NOX5: variants seen among roughly 807,000 people sequenced by gnomAD.
NOX5 encodes the protein NADPH oxidase 5, also known as NADPH oxidase, EF-hand calcium binding domain 5.
A neutral mutation model predicts 85.7 loss-of-function variants in NOX5; 76 were observed. That is an observed-to-expected ratio of 0.89 (90% CI 0.74 to 1.07). The LOEUF (loss-of-function observed/expected upper bound fraction) is 1.07, where lower values mean the gene tolerates loss of function less well. Among genes scored for constraint, NOX5 ranks in the 50% least tolerant of loss-of-function variants. The probability of loss-of-function intolerance (pLI) is 0.00; values close to 1 mark genes in which losing one functional copy is unlikely to be tolerated. For missense variants in NOX5, 973 were observed against 999.5 expected, an observed-to-expected ratio of 0.97 and a Z score of 0.36; for synonymous variants, 405 against 401.4, an observed-to-expected ratio of 1.01 and a Z score of -0.11.
intron 6 of NOX5, 37 bp downstream of exon 6, chr15:69,035,544 C>T: frequency 6.2e-7 from 1 of 1,608,714 alleles, no homozygotes; most frequent in Non-Finnish European, 8.5e-7. Context: ...CGGGGAGAAG[C>T]TTGAGCAGCC....
intron 8 of NOX5, chr15:69,038,283 C>T (rs968447951): frequency 2.4e-5 from 4 of 163,274 alleles, no homozygotes; most frequent in Non-Finnish European, 5.2e-5. Context: ...TGGCATCCAA[C>T]AGCCTCAGCT....
chr15:69,050,000 G>T (rs2050727076), intron 14 of NOX5, among the ~76,000 whole-genome samples: 1 of 152,136 alleles, frequency 6.6e-6, no homozygotes, highest in African/African-American at 2.4e-5. Context: ...CCCCTGACTT[G>T]TAACCCCTGG....
At chr15:69,045,536 T>TTTTCTTTCTTTGTTTCTTTCTTTC (rs2050653650) in intron 10 of NOX5, among the ~76,000 whole-genome samples, 3 of 94,470 alleles carry the variant, frequency 3.2e-5, no homozygotes, top group Admixed American at 2.4e-4. Flanking sequence ...TTCCTTTCTT[T>TTTTCTTTCTTTGTTTCTTTCTTTC]TTTCTTTCTT....
chr15:69,047,300 G>A, intron 11 of NOX5, 113 bp from the exon 12 acceptor site: 1 of 1,384,492 alleles, frequency 7.2e-7, no homozygotes. Flanking sequence ...TCCAGCCCAG[G>A]AGATGTCTTT....
chr15:69,048,832 C>A (rs748420255), intron 13 of NOX5, 127 bp from the exon 14 acceptor site: 11 of 609,266 alleles, frequency 1.8e-5, no homozygotes, highest in Non-Finnish European at 3.2e-5. Context: ...TTTTCCCTCC[C>A]TTAAATGGGT....
In NOX5 at chr15:69,061,459, T is replaced by C. The variant is rs2050870221; in HGVS notation, c.*4763T>C. On this transcript the variant is annotated 3_prime_UTR_variant, in exon 16 of 16. Coordinates refer to ENST00000388866, the MANE Select transcript of NOX5 (RefSeq NM_024505.4). The stretch of plus-strand genomic sequence containing the variant: ...GCCCAGCACCAGCCCAGCCTGGGAG[T>C]TGAGATGCCTCAGGGCACACTGTCT... The C allele has an allele frequency of 6.6e-6, 1 of 152,228 alleles. No homozygotes were observed. The highest frequency in any genetic ancestry group is 1.5e-5 in the Non-Finnish European group (1 of 68,044). The allele number at this position is 152,228 out of a possible 1,614,324, so 9.4% of individuals were successfully genotyped here.
intron 3 of NOX5, chr15:69,030,732 G>A (rs939598535): frequency 2.0e-5 from 3 of 152,196 alleles, no homozygotes; most frequent in African/African-American, 7.2e-5. Flanking sequence ...ACACCAATGA[G>A]AATTTCCATG....
chr15:69,037,012 C>T lies in NOX5; in HGVS notation c.1189-16C>T, dbSNP rs770820094. On this transcript the variant is annotated splice_polypyrimidine_tract_variant and intron_variant, in intron 7 of 15. Transcript: ENST00000388866. ...CCTTGAGCTCTGGAAGTTGACTGCC[C>T]CCCCTACCCCCATAGGTGTTCTATT... 5 of 1,610,922 alleles carry T rather than the reference C, an allele frequency of 3.1e-6. No homozygotes were observed. Among genetic ancestry groups the T allele is most frequent in the South Asian group, 1.1e-5 (1 of 90,858 alleles).
At chr15:69,019,210 C>T (rs531391439) in intron 1 of NOX5, among the ~76,000 whole-genome samples, 1 of 152,276 alleles carries the variant, frequency 6.6e-6, no homozygotes, top group South Asian at 2.1e-4. Flanking sequence ...GGTACTCCCT[C>T]CTCCTCCCGA....
Position 69,056,552 on chromosome 15 carries a change from C to A in NOX5, c.2167-13C>A, listed in dbSNP as rs1199873632. On this transcript the variant is annotated splice_polypyrimidine_tract_variant and intron_variant, in intron 15 of 15. Coordinates refer to ENST00000388866, the MANE Select transcript of NOX5 (RefSeq NM_024505.4). ...ATCTTCCCTCTTCTCTTCCTCAACC[C>A]CACTGACTCCAGGTGTTCCAGAAAG... 1.2e-6 allele frequency: 2 copies of A among 1,611,698 alleles called. No homozygotes were observed. The highest frequency in any genetic ancestry group is 1.7e-6 in the Non-Finnish European group (2 of 1,179,730).
Position 69,055,464 on chromosome 15 carries a change from G to A in NOX5, c.2130G>A (p.Gln710=). 1 of 1,614,166 alleles carries A rather than the reference G, an allele frequency of 6.2e-7. No homozygotes were observed. Among genetic ancestry groups the A allele is most frequent in the Non-Finnish European group, 8.5e-7 (1 of 1,180,040 alleles). Residue 710 remains glutamine, a synonymous_variant, in exon 15 of 16, where the codon CAG becomes CAA. Transcript: ENST00000388866. ...KEKKDSITGL[Q]TRTQPGRPDW... ...AGAAAGACTCCATCACGGGGCTGCA[G>A]ACGCGCACCCAGCCTGGGCGGCCTG... is the stretch of plus-strand genomic sequence containing the variant.
At chr15:69,045,508 C>CTTCT (rs530931328) in intron 10 of NOX5, among the ~76,000 whole-genome samples, 3 of 111,794 alleles carry the variant, frequency 2.7e-5, no homozygotes, top group East Asian at 3.7e-4. Context: ...CTCCCTCTCC[C>CTTCT]TTCTTTCTTT....
At chr15:69,016,573 A>C (rs2050234561) in intron 1 of NOX5, among the ~76,000 whole-genome samples, 1 of 152,176 alleles carries the variant, frequency 6.6e-6, no homozygotes, top group African/African-American at 2.4e-5. Context: ...GGAAATGGGA[A>C]TCCATCTAGG....
In NOX5 at chr15:69,056,563, A is replaced by G; in HGVS notation, c.2167-2A>G. The G allele has an allele frequency of 1.2e-6, 2 of 1,612,664 alleles. No individual in the cohort carries two copies. The highest frequency in any genetic ancestry group is 2.2e-5 in the South Asian group (2 of 90,962). On this transcript the variant is annotated splice_acceptor_variant, in intron 15 of 15. Transcript: ENST00000388866. LOFTEE classifies it high-confidence loss of function. ...TCTCTTCCTCAACCCCACTGACTCC[A>G]GGTGTTCCAGAAAGTGGCTGCTGAG...
Position 69,059,197 on chromosome 15 carries a change from G to A in NOX5, c.*2501G>A, listed in dbSNP as rs2050848183. 6.6e-6 allele frequency: 1 copy of A among 152,218 alleles called. No homozygotes were observed. The highest frequency in any genetic ancestry group is 2.1e-4 in the South Asian group (1 of 4,820). 9.4% of individuals were successfully genotyped at this position (152,218 alleles called of 1,614,324 possible). ...TTCTAAAATCCGTGAATGCCCACAT[G>A]TGTGACGACCATATGCCCGTGTCCT... On this transcript the variant is annotated 3_prime_UTR_variant, in exon 16 of 16. Coordinates refer to ENST00000388866, the MANE Select transcript of NOX5 (RefSeq NM_024505.4).
intron 9 of NOX5, among the ~76,000 whole-genome samples, chr15:69,040,047 A>G (rs1178121103): frequency 1.3e-5 from 2 of 152,190 alleles, no homozygotes; most frequent in Non-Finnish European, 2.9e-5. Flanking sequence ...CCTGGTTACA[A>G]GCTTTAGTGT....
intron 5 of NOX5, 106 bp downstream of exon 5, chr15:69,033,383 G>T: frequency 2.3e-6 from 3 of 1,296,058 alleles, no homozygotes; most frequent in Non-Finnish European, 3.1e-6. Flanking sequence ...GCCAGGGCAG[G>T]GTGGCACCTT....
Position 69,057,023 on chromosome 15 carries a change from A to G in NOX5, c.*327A>G. Reference sequence around the variant, plus strand: ...CAACCACTCCTCCAAACATTTTCCGACGGAGCCTTCCCCCACATCCATGGT... The same window carrying G: ...CAACCACTCCTCCAAACATTTTCCGGCGGAGCCTTCCCCCACATCCATGGT... On this transcript the variant is annotated 3_prime_UTR_variant, in exon 16 of 16. Coordinates refer to ENST00000388866, the MANE Select transcript of NOX5 (RefSeq NM_024505.4). The G allele has an allele frequency of 4.8e-6, 1 of 210,184 alleles. No homozygotes were observed. The highest frequency in any genetic ancestry group is 9.6e-6 in the Non-Finnish European group (1 of 103,746). 13.0% of individuals were successfully genotyped at this position (210,184 alleles called of 1,614,324 possible). A position where few individuals can be genotyped will look rare whatever the true frequency, so the allele number is the denominator to read the frequency against.
chr15:69,039,075 G>A (rs1290427099), intron 9 of NOX5, 86 bp downstream of exon 9: 6 of 1,456,154 alleles, frequency 4.1e-6, no homozygotes, highest in Non-Finnish European at 4.8e-6. Context: ...TCGGAACACA[G>A]CACTGAACAA....
Sources: allele counts gnomAD v4.1 joint callset (sites outside exome capture counted in the v4.1 genomes callset), GRCh38; gene constraint gnomAD v4.1.1; transcripts MANE v1.5; gene names NCBI Gene and HGNC (gene_info 2026-07-23, HGNC 2026-07-21).